Variants in DHX57 observed in about 807,000 individuals in gnomAD.
DHX57 encodes DExH-box helicase 57.
DHX57 carries 105 observed loss-of-function variants against 156.2 expected under a neutral mutation model. That is an observed-to-expected ratio of 0.67 (90% CI 0.57 to 0.79). The LOEUF (loss-of-function observed/expected upper bound fraction) is 0.79. Ranked by LOEUF, DHX57 falls within the 30% of genes least tolerant of loss-of-function variation. DHX57 has a pLI of 0.00. For synonymous variants in DHX57, 704 were observed against 595.6 expected (o/e 1.18, Z -2.65); for missense variants, 1,847 against 1,661.9 (o/e 1.11, Z -1.94).
chr2:38,823,416 C>G (rs1371897135), intron 16 of DHX57, 147 bp from the exon 17 acceptor site: 1 of 812,192 alleles, frequency 1.2e-6, no homozygotes, highest in Non-Finnish European at 1.9e-6. Flanking sequence ...CAATAAACCA[C>G]AAAAACACTT....
In DHX57 at chr2:38,835,510, C is replaced by A. The variant is rs1671605132; in HGVS notation, c.2542+2321G>T. On this transcript the variant is annotated intron_variant, in intron 13 of 23. Transcript: ENST00000457308. ...AAAGTTCTTTTCATACTGGACAGTGCCACTGGCCACCCAGAACCCCATGAG... is the reference window on the plus strand; with the variant it reads ...AAAGTTCTTTTCATACTGGACAGTGACACTGGCCACCCAGAACCCCATGAG... Among the ~76,000 whole-genome samples, 3 of 152,130 alleles carry A rather than the reference C, an allele frequency of 2.0e-5. No homozygotes were observed. The South Asian group carries it at 6.2e-4, about 32-fold the overall frequency.
Position 38,843,213 on chromosome 2 carries a change from G to C in DHX57, c.2220-3C>G, listed in dbSNP as rs1174524505. The C allele has an allele frequency of 1.7e-5, 28 of 1,613,560 alleles. No individual in the cohort carries two copies. The highest frequency in any genetic ancestry group is 2.3e-5 in the Non-Finnish European group (27 of 1,179,846). On this transcript the variant is annotated splice_region_variant and splice_polypyrimidine_tract_variant and intron_variant, in intron 11 of 23. Coordinates refer to ENST00000457308, the MANE Select transcript of DHX57 (RefSeq NM_198963.3). The stretch of plus-strand genomic sequence containing the variant: ...GGCTCCCATCCTGTAATACATACCT[G>C]AGAAAGACAAAGGAATGTGGTTGTG...
At chr2:38,818,816 A>G (rs1670672572) in intron 19 of DHX57, 61 bp downstream of exon 19, 1 of 1,568,158 alleles carries the variant, frequency 6.4e-7, no homozygotes, top group East Asian at 2.2e-5. Flanking sequence ...ACAAAGTCGC[A>G]GCACCCTCTG....
At chr2:38,864,139 T>A (rs773317965) in intron 2 of DHX57, among the ~76,000 whole-genome samples, 3 of 152,062 alleles carry the variant, frequency 2.0e-5, no homozygotes, top group Non-Finnish European at 4.4e-5. Context: ...TGAAGAGCAT[T>A]TCATTTCATT....
At chr2:38,858,892 G>A (rs1229306666) in intron 5 of DHX57, 56 bp from the exon 6 acceptor site, 1 of 1,539,746 alleles carries the variant, frequency 6.5e-7, no homozygotes, top group Non-Finnish European at 8.7e-7. Flanking sequence ...TAACAAAAGG[G>A]GAAAGTCGCT....
At chr2:38,839,874 C>T (rs1671890369) in intron 12 of DHX57, among the ~76,000 whole-genome samples, 1 of 151,946 alleles carries the variant, frequency 6.6e-6, no homozygotes, top group African/African-American at 2.4e-5. Flanking sequence ...GCCAAGATTC[C>T]AAAAAGCCAG....
intron 13 of DHX57, among the ~76,000 whole-genome samples, chr2:38,829,689 G>A (rs897731396): frequency 6.6e-6 from 1 of 152,060 alleles, no homozygotes; most frequent in Non-Finnish European, 1.5e-5. Context: ...GAGTAGTTGG[G>A]ACTACAGGCA....
At chr2:38,870,908 A>C (rs1273491504) in intron 1 of DHX57, among the ~76,000 whole-genome samples, 2 of 151,952 alleles carry the variant, frequency 1.3e-5, no homozygotes, top group South Asian at 2.1e-4. Flanking sequence ...AACAAAAAAA[A>C]AACAACAAAA....
intron 23 of DHX57, among the ~76,000 whole-genome samples, chr2:38,802,484 G>C (rs1572610999): frequency 6.6e-6 from 1 of 151,308 alleles, no homozygotes; most frequent in Non-Finnish European, 1.5e-5. Context: ...GACGGGGTTT[G>C]ACCATGTTGG....
chr2:38,806,603 T>C lies in DHX57; in HGVS notation c.3772A>G (p.Asn1258Asp), dbSNP rs1391936617. Residue 1258 changes from asparagine (N) to aspartate (D), a missense_variant, in exon 22 of 24, where the codon AAC becomes GAC. Physicochemically the swap from Asn to Asp is conservative, Grantham distance 23 (BLOSUM62 1). Transcript: ENST00000457308. ...KSAELKFVTK[N>D]DGYVHIHPSS... ...GGGTGAATGTGTACATATCCATCGTTCTTGGTGACAAACTTCAACTCAGCT... is the reference window on the plus strand; with the variant it reads ...GGGTGAATGTGTACATATCCATCGTCCTTGGTGACAAACTTCAACTCAGCT... The C allele has an allele frequency of 6.2e-7, 1 of 1,614,162 alleles. No homozygotes were observed. Among genetic ancestry groups the C allele is most frequent in the East Asian group, 2.2e-5 (1 of 44,878 alleles).
At chr2:38,816,089 C>T in intron 19 of DHX57, 1 of 470,690 alleles carries the variant, frequency 2.1e-6, no homozygotes, top group Non-Finnish European at 4.4e-6. Context: ...CCTCTCAGTT[C>T]CTTACTCAGG....
chr2:38,845,063 G>A (rs966438076), intron 11 of DHX57, among the ~76,000 whole-genome samples: 5 of 152,064 alleles, frequency 3.3e-5, no homozygotes, highest in Non-Finnish European at 5.9e-5. Context: ...CAGGCATGGT[G>A]GCACACATCT....
chr2:38,838,261 G>C (rs1671791419), intron 12 of DHX57, among the ~76,000 whole-genome samples: 1 of 152,046 alleles, frequency 6.6e-6, no homozygotes, highest in African/African-American at 2.4e-5. Context: ...ACCATACCTG[G>C]TTAATTTAAT....
At position 38,843,067 on chromosome 2, in the gene DHX57, G is replaced by C; in HGVS notation, c.2363C>G (p.Ser788Cys). ...RLSLHLQDQD[S>C]VKDAVPDQQL... ...TTGATCTGGCACTGCATCTTTGACAGAATCCTGATCCTGGAGGTGAAGGGA... is the reference window on the plus strand; with the variant it reads ...TTGATCTGGCACTGCATCTTTGACACAATCCTGATCCTGGAGGTGAAGGGA... The change falls in exon 12 of 24, where the codon TCT (serine) becomes TGT (cysteine). Residue 788 changes from serine (S) to cysteine (C), a missense_variant. Ser to Cys is a moderately radical substitution (Grantham distance 112). Coordinates refer to ENST00000457308, the MANE Select transcript of DHX57 (RefSeq NM_198963.3). 6.2e-7 allele frequency: 1 copy of C among 1,614,182 alleles called. No homozygotes were observed. The highest frequency in any genetic ancestry group is 1.1e-5 in the South Asian group (1 of 91,082).
intron 16 of DHX57, among the ~76,000 whole-genome samples, chr2:38,824,418 T>C (rs1670988219): frequency 6.6e-6 from 1 of 152,172 alleles, no homozygotes; most frequent in South Asian, 2.1e-4. Flanking sequence ...ATGAGTAAGT[T>C]CGAGAGCTCT....
At chr2:38,829,844 G>C (rs1385079590) in intron 13 of DHX57, among the ~76,000 whole-genome samples, 8 of 152,030 alleles carry the variant, frequency 5.3e-5, no homozygotes, top group African/African-American at 1.9e-4. Context: ...TAATTGACTG[G>C]CCAATCTGGT....
Position 38,854,043 on chromosome 2 carries a change from CTT to C in DHX57, c.2030+9_2030+10del, listed in dbSNP as rs747260031. Reference sequence around the variant, plus strand: ...GTGAGTGTGTGTTCCCTGGGAAAGTCTTTGTTTTACCTTTCTTCTGTCCTCTC... The same window carrying C: ...GTGAGTGTGTGTTCCCTGGGAAAGTCTGTTTTACCTTTCTTCTGTCCTCTC... On this transcript the variant is annotated intron_variant, in intron 9 of 23. Coordinates refer to ENST00000457308, the MANE Select transcript of DHX57 (RefSeq NM_198963.3). 1 of 1,597,956 alleles carries C rather than the reference CTT, an allele frequency of 6.3e-7. No homozygotes were observed. The highest frequency in any genetic ancestry group is 1.3e-5 in the African/African-American group (1 of 74,326).
chr2:38,859,114 G>A (rs532632374), intron 5 of DHX57, among the ~76,000 whole-genome samples: 14 of 152,094 alleles, frequency 9.2e-5, no homozygotes, highest in South Asian at 6.2e-4. Context: ...ATCCCACAAC[G>A]TAAAACAACA....
At chr2:38,823,871 G>T (rs925171764) in intron 16 of DHX57, among the ~76,000 whole-genome samples, 16 of 152,132 alleles carry the variant, frequency 1.1e-4, no homozygotes, top group African/African-American at 3.6e-4. Flanking sequence ...AATTAGCCAG[G>T]CATGGTGATG....
Sources: allele counts gnomAD v4.1 joint callset (sites outside exome capture counted in the v4.1 genomes callset), GRCh38; gene constraint gnomAD v4.1.1; transcripts MANE v1.5; gene names NCBI Gene and HGNC (gene_info 2026-07-23, HGNC 2026-07-21).